The following COL11A1 variants were observed in gnomAD, a reference collection of about 807,000 sequenced individuals.
COL11A1 encodes collagen type XI alpha 1 chain.
Under a neutral mutation model 265.2 loss-of-function variants are expected in COL11A1, and 74 were observed. The ratio of observed to expected loss-of-function variants is 0.28; its 90% CI spans 0.23 to 0.34. The LOEUF (loss-of-function observed/expected upper bound fraction) is 0.34, where lower values mean the gene tolerates loss of function less well. COL11A1 is among the 10% of genes least tolerant of loss of function. COL11A1 has a pLI of 1.00. For missense variants in COL11A1, 2,165 were observed against 2,263.6 expected (o/e 0.96, Z 0.88); for synonymous variants, 816 against 727.6 (o/e 1.12, Z -1.96).
rs7418985 is a variant in COL11A1, at chr1:102,928,522, C to T, written c.3601-5133G>A. ...TCATTGTTGGACATTTGGGTTGGTT[C>T]CAAGTCTTTGCTGTTGTCAATAGTG... On this transcript the variant is annotated intron_variant, in intron 46 of 66. Transcript: ENST00000370096. 9.1e-3 allele frequency among the ~76,000 whole-genome samples: 1,384 copies of T among 152,212 alleles called. 22 individuals carry two copies. The highest frequency in any genetic ancestry group is 0.032 in the African/African-American group (1,329 of 41,520).
Position 102,998,372 on chromosome 1 carries a change from GAA to G in COL11A1, c.2143-11_2143-10del, listed in dbSNP as rs747240373. 6.9e-6 allele frequency: 10 copies of G among 1,458,842 alleles called. No individual in the cohort carries two copies. Among genetic ancestry groups the G allele is most frequent in the African/African-American group, 1.5e-5 (1 of 68,098 alleles). The allele number at this position is 1,458,842 out of a possible 1,614,324, so 90.4% of individuals were successfully genotyped here. The stretch of plus-strand genomic sequence containing the variant: ...GGTTTTCCTTGTGGTCCCTTATAGA[GAA>G]AAAAAAAATATTAAAAAGATAAAAA... On this transcript the variant is annotated splice_polypyrimidine_tract_variant and intron_variant, in intron 24 of 66. Coordinates refer to ENST00000370096, the MANE Select transcript of COL11A1 (RefSeq NM_001854.4).
chr1:103,078,116 A>C (rs1672116992), intron 3 of COL11A1, among the ~76,000 whole-genome samples: 1 of 152,094 alleles, frequency 6.6e-6, no homozygotes, highest in Non-Finnish European at 1.5e-5. Flanking sequence ...TCAGAGTAGA[A>C]TCCAAAGTGC....
At position 102,965,876 on chromosome 1, in the gene COL11A1, A is replaced by G. The variant is rs558751049; in HGVS notation, c.2863-336T>C. ...TTATGGATGAAGTAAATGATGATTT[A>G]GACATTCTTTGAAACAGTTTACTGA... On this transcript the variant is annotated intron_variant, in intron 37 of 66. Transcript: ENST00000370096. 4.6e-5 allele frequency among the ~76,000 whole-genome samples: 7 copies of G among 152,298 alleles called. No homozygotes were observed. In the South Asian group the frequency reaches 1.4e-3, roughly 32 times the overall value.
intron 20 of COL11A1, among the ~76,000 whole-genome samples, chr1:103,003,855 C>A (rs1473974329): frequency 1.3e-5 from 2 of 152,128 alleles, no homozygotes; most frequent in Non-Finnish European, 2.9e-5. Flanking sequence ...TTTAGAAAAG[C>A]CAATAAAATA....
chr1:102,975,664 T>C (rs1662397935), intron 35 of COL11A1, among the ~76,000 whole-genome samples: 2 of 152,128 alleles, frequency 1.3e-5, no homozygotes, highest in South Asian at 4.1e-4. Flanking sequence ...GATAATCCTC[T>C]ATATGCCCAG....
Position 102,899,566 on chromosome 1 carries a change from A to G in COL11A1, c.4087-572T>C, listed in dbSNP as rs968069357. Among the ~76,000 whole-genome samples the G allele has an allele frequency of 2.0e-5, 3 of 152,164 alleles. No individual in the cohort carries two copies. The East Asian group carries it at 5.8e-4, about 29-fold the overall frequency. ...AATGAAAGCAAATATCACTTTTTAA[A>G]TCCTAATATTAGAAGTAAAATTGAA... On this transcript the variant is annotated intron_variant, in intron 54 of 66. Coordinates refer to ENST00000370096, the MANE Select transcript of COL11A1 (RefSeq NM_001854.4).
chr1:103,035,078 A>G (rs1668260031), intron 4 of COL11A1, among the ~76,000 whole-genome samples: 1 of 152,064 alleles, frequency 6.6e-6, no homozygotes, highest in African/African-American at 2.4e-5. Flanking sequence ...AACACTTTCA[A>G]CACTCCTACA....
intron 11 of COL11A1, 81 bp from the exon 12 acceptor site, chr1:103,015,823 T>C (rs1666520612): frequency 1.2e-5 from 13 of 1,042,972 alleles, no homozygotes; most frequent in Non-Finnish European, 1.8e-5. Context: ...ATAACGTAAG[T>C]CTACTTTATC....
chr1:102,879,658 G>A (rs368618420), intron 66 of COL11A1, 25 bp downstream of exon 66: 3 of 1,597,740 alleles, frequency 1.9e-6, no homozygotes, highest in Admixed American at 1.7e-5. Flanking sequence ...CTCTGTGAAG[G>A]GAGACAAGCA....
chr1:102,889,560 T>A lies in COL11A1; in HGVS notation c.4359A>T (p.Gly1453=), dbSNP rs573203662. Residue 1453 remains glycine, a splice_region_variant and synonymous_variant, in exon 59 of 67, where the codon GGA becomes GGT. Coordinates refer to ENST00000370096, the MANE Select transcript of COL11A1 (RefSeq NM_001854.4). ...CAATCAGGCCAATTAAACCAGGATG[T>A]CCCTTTGAAAGGCAGAGAAAAAAAA... The part of the protein sequence containing the change: ...KGDPGSKGEK[G]HPGLIGLIGP... The A allele has an allele frequency of 1.2e-6, 2 of 1,611,780 alleles. No individual in the cohort carries two copies. Among genetic ancestry groups the A allele is most frequent in the Non-Finnish European group, 1.7e-6 (2 of 1,178,050 alleles).
intron 57 of COL11A1, among the ~76,000 whole-genome samples, chr1:102,895,461 G>A (rs998176888): frequency 1.3e-5 from 2 of 152,068 alleles, no homozygotes; most frequent in African/African-American, 4.8e-5. Context: ...GTTACAGGCA[G>A]CTTCTAGAAG....
At chr1:103,064,606 G>C (rs1284159921) in intron 4 of COL11A1, among the ~76,000 whole-genome samples, 2 of 150,638 alleles carry the variant, frequency 1.3e-5, no homozygotes, top group African/African-American at 4.9e-5. Flanking sequence ...CAGGAGAATG[G>C]TGTGAACCCG....
At chr1:103,034,340 G>T (rs11164658) in intron 4 of COL11A1, among the ~76,000 whole-genome samples, 107,178 of 151,790 alleles carry the variant, frequency 0.71, 38,852 homozygotes, top group East Asian at 0.92. Flanking sequence ...GGAATGTTCG[G>T]TGGTGTCCCG....
intron 9 of COL11A1, among the ~76,000 whole-genome samples, chr1:103,020,707 GT>G (rs1287526822): frequency 9.4e-6 from 1 of 106,072 alleles, no homozygotes; most frequent in African/African-American, 3.6e-5. Flanking sequence ...TTCTTCTAGG[GT>G]TTTTATGGTT....
chr1:102,990,992 C>T (rs1347434790), intron 28 of COL11A1, among the ~76,000 whole-genome samples: 2 of 152,026 alleles, frequency 1.3e-5, no homozygotes, highest in Non-Finnish European at 2.9e-5. Context: ...AAGATCACTC[C>T]GCTGCACTCC....
chr1:103,016,310 T>G (rs1201053007), intron 11 of COL11A1, among the ~76,000 whole-genome samples: 1 of 151,944 alleles, frequency 6.6e-6, no homozygotes, highest in Non-Finnish European at 1.5e-5. Flanking sequence ...AATCACTAAT[T>G]TATTTTAAAT....
At chr1:103,093,963 T>C (rs1029235775) in intron 1 of COL11A1, among the ~76,000 whole-genome samples, 2 of 152,014 alleles carry the variant, frequency 1.3e-5, no homozygotes, top group Non-Finnish European at 2.9e-5. Flanking sequence ...TCTGGAAGGG[T>C]TACACCATTG....
In COL11A1 at chr1:102,898,925, AT is replaced by A. The variant is rs1557790462; in HGVS notation, c.4140+15del. 3.0e-6 allele frequency: 4 copies of A among 1,314,052 alleles called. No individual in the cohort carries two copies. The East Asian group carries it at 7.7e-5, about 25-fold the overall frequency. 81.4% of individuals were successfully genotyped at this position (1,314,052 alleles called of 1,614,324 possible). ...AATATATAATATATATTATGTATAT[AT>A]TATTTTTTTTTTACCTTAGCACCTT... On this transcript the variant is annotated intron_variant, in intron 55 of 66. Coordinates refer to ENST00000370096, the MANE Select transcript of COL11A1 (RefSeq NM_001854.4).
Position 103,002,494 on chromosome 1 carries a change from A to G in COL11A1, c.2044-13T>C, listed in dbSNP as rs1665204713. 1 of 1,601,780 alleles carries G rather than the reference A, an allele frequency of 6.2e-7. No homozygotes were observed. The highest frequency in any genetic ancestry group is 8.5e-7 in the Non-Finnish European group (1 of 1,173,638). ...CCCCTTGGGGACCCTGCCAGAGGAAAATATAAAAAGTTTTTAATGGGCTAT... is the reference window on the plus strand; with the variant it reads ...CCCCTTGGGGACCCTGCCAGAGGAAGATATAAAAAGTTTTTAATGGGCTAT... On this transcript the variant is annotated splice_polypyrimidine_tract_variant and intron_variant, in intron 22 of 66. Coordinates refer to ENST00000370096, the MANE Select transcript of COL11A1 (RefSeq NM_001854.4).
Sources: gnomAD v4.1 joint callset for allele counts (sites outside exome capture counted in the v4.1 genomes callset) on GRCh38, gnomAD v4.1.1 for gene constraint, MANE v1.5 for transcripts, NCBI Gene and HGNC (gene_info 2026-07-23, HGNC 2026-07-21) for gene names.